Variants in SLC1A5 observed in about 807,000 individuals in gnomAD.
SLC1A5 encodes the protein neutral amino acid transporter B(0).
Under a neutral mutation model 34.9 loss-of-function variants are expected in SLC1A5, and 25 were observed. The ratio of observed to expected loss-of-function variants is 0.72; its 90% CI spans 0.52 to 1.00. The LOEUF (loss-of-function observed/expected upper bound fraction) is 1.00. SLC1A5 is among the 50% of genes least tolerant of loss of function. The pLI is 0.00. For synonymous variants in SLC1A5, 351 were observed against 341.2 expected, an observed-to-expected ratio of 1.03 and a Z score of -0.32; for missense variants, 637 against 740.0, an observed-to-expected ratio of 0.86 and a Z score of 1.61.
rs761125472 is a variant in SLC1A5 at position 46,784,084 on chromosome 19, C to A, written c.657+13G>T. 5 of 1,610,058 alleles carry A rather than the reference C, an allele frequency of 3.1e-6. No homozygotes were observed. In the Admixed American group the frequency reaches 8.3e-5, roughly 27 times the overall value. On this transcript the variant is annotated intron_variant, in intron 3 of 7. Transcript: ENST00000542575. ...AAAGAGGTAGAGCCCCCGCTGCCTC[C>A]CACTGCTCTCACCTTCACCCTGGTT...
intron 4 of SLC1A5, 97 bp from the exon 5 acceptor site, chr19:46,779,005 G>GGA: frequency 1.2e-6 from 1 of 842,484 alleles, no homozygotes; most frequent in Non-Finnish European, 1.8e-6. Context: ...CTGCCTTCCT[G>GGA]AGGTCAGGAG....
chr19:46,779,031 G>A (rs974913956), intron 4 of SLC1A5, 123 bp from the exon 5 acceptor site: 10 of 665,134 alleles, frequency 1.5e-5, no homozygotes, highest in Non-Finnish European at 2.0e-5. Flanking sequence ...CCAGCAATGT[G>A]TGCTTCAGCA....
At chr19:46,786,405 G>T (rs1599736484) in intron 1 of SLC1A5, among the ~76,000 whole-genome samples, 1 of 152,186 alleles carries the variant, frequency 6.6e-6, no homozygotes, top group East Asian at 1.9e-4. Context: ...GTGCCTGCCT[G>T]AAGGTCCGCC....
Position 46,787,991 on chromosome 19 carries a change from C to A in SLC1A5, c.-26G>T, listed in dbSNP as rs770985611. The A allele has an allele frequency of 1.3e-6, 2 of 1,517,890 alleles. No individual in the cohort carries two copies. Among genetic ancestry groups the A allele is most frequent in the Non-Finnish European group, 1.8e-6 (2 of 1,135,572 alleles). The allele number at this position is 1,517,890 out of a possible 1,614,324, so 94.0% of individuals were successfully genotyped here. ...GATGGGAAGCACCGGGGTTTCTTAGCGCCTGGAAGCTGGCTGGGAGCGCTT... is the reference window on the plus strand; with the variant it reads ...GATGGGAAGCACCGGGGTTTCTTAGAGCCTGGAAGCTGGCTGGGAGCGCTT... On this transcript the variant is annotated 5_prime_UTR_variant, in exon 1 of 8. Transcript: ENST00000542575. The surrounding 1 kb of genome is among the most constrained non-coding windows in gnomAD (Gnocchi z 5.2).
chr19:46,785,745 C>T (rs1175736989), intron 1 of SLC1A5, among the ~76,000 whole-genome samples: 3 of 152,140 alleles, frequency 2.0e-5, no homozygotes, highest in Non-Finnish European at 4.4e-5. Flanking sequence ...CCATGGATGG[C>T]CACCCATGCA....
Position 46,778,692 on chromosome 19 carries a change from G to A in SLC1A5, c.1041C>T (p.Ala347=), listed in dbSNP as rs548527978. Residue 347 remains alanine (A), a synonymous_variant, in exon 5 of 8, where the codon GCC becomes GCT. Transcript: ENST00000542575. ...LWGIVTPLAT[A]FGTSSSSATL... is the part of the protein sequence containing the mutation. ...GGCCGTACCTGGAAGAGGTCCCAAA[G>A]GCAGTGGCCAGCGGCGTCACGATGC... The A allele has an allele frequency of 2.6e-5, 35 of 1,333,872 alleles. 1 individual carries two copies. The South Asian group carries it at 4.0e-4, about 15-fold the overall frequency. The allele number at this position is 1,333,872 out of a possible 1,614,324, so 82.6% of individuals were successfully genotyped here. A position where few individuals can be genotyped will look rare whatever the true frequency, so the allele number is the denominator to read the frequency against.
In SLC1A5 at chr19:46,784,078, T is replaced by A. The variant is rs2055168095; in HGVS notation, c.657+19A>T. ...ATAGGCAAAGAGGTAGAGCCCCCGC[T>A]GCCTCCCACTGCTCTCACCTTCACC... On this transcript the variant is annotated intron_variant, in intron 3 of 7. Coordinates refer to ENST00000542575, the MANE Select transcript of SLC1A5 (RefSeq NM_005628.3). 3.7e-6 allele frequency: 6 copies of A among 1,606,274 alleles called. No individual in the cohort carries two copies. Among genetic ancestry groups the A allele is most frequent in the Admixed American group, 3.3e-5 (2 of 59,886 alleles).
chr19:46,778,920 C>T lies in SLC1A5; in HGVS notation c.825-12G>A. 1 of 1,532,880 alleles carries T rather than the reference C, an allele frequency of 6.5e-7. No homozygotes were observed. The highest frequency in any genetic ancestry group is 8.8e-7 in the Non-Finnish European group (1 of 1,137,732). The allele number at this position is 1,532,880 out of a possible 1,614,324, so 95.0% of individuals were successfully genotyped here. On this transcript the variant is annotated splice_polypyrimidine_tract_variant and intron_variant, in intron 4 of 7. Transcript: ENST00000542575. The stretch of plus-strand genomic sequence containing the variant: ...CCACAGGGGCGTACCTGATCAGTAA[C>T]ACAGGAGACAGCTTGTTGCCTCTTC...
intron 4 of SLC1A5, 41 bp downstream of exon 4, chr19:46,782,342 T>TCCCCACCCCCCCCCCCCCCCCCCCCC: frequency 7.6e-6 from 4 of 523,372 alleles, no homozygotes; most frequent in Non-Finnish European, 1.0e-5. Flanking sequence ...AGACCGACCC[T>TCCCCACCCCCCCCCCCCCCCCCCCCC]CCAACCCCAC....
chr19:46,776,931 A>AG, intron 7 of SLC1A5, 44 bp downstream of exon 7: 1 of 1,586,566 alleles, frequency 6.3e-7, no homozygotes, highest in Non-Finnish European at 8.6e-7. Context: ...CCTCTTTCCC[A>AG]GGGGTACCCC....
rs2055074133 is a variant in SLC1A5, at chr19:46,775,134, C to G, written c.*376G>C. ...CCACAACTACAGCCGCCAAAATAAC[C>G]AGCATGGTGTTGTAACATCCCCCCA... On this transcript the variant is annotated 3_prime_UTR_variant, in exon 8 of 8. Transcript: ENST00000542575. The G allele has an allele frequency of 7.7e-6, 8 of 1,036,194 alleles. No homozygotes were observed. The highest frequency in any genetic ancestry group is 9.3e-6 in the Non-Finnish European group (8 of 861,756). The allele number at this position is 1,036,194 out of a possible 1,614,324, so 64.2% of individuals were successfully genotyped here. A position where few individuals can be genotyped will look rare whatever the true frequency, so the allele number is the denominator to read the frequency against.
At chr19:46,784,224 G>A in intron 2 of SLC1A5, 80 bp from the exon 3 acceptor site, 2 of 1,103,884 alleles carry the variant, frequency 1.8e-6, no homozygotes, top group South Asian at 2.6e-5. Flanking sequence ...AATGCTCAAA[G>A]CCTGCCCTTC....
At chr19:46,782,357 C>A in intron 4 of SLC1A5, 26 bp downstream of exon 4, 2 of 1,190,440 alleles carry the variant, frequency 1.7e-6, no homozygotes, top group South Asian at 2.5e-5. Flanking sequence ...CCCCACCCAC[C>A]CCCAGCCTCC....
intron 5 of SLC1A5, 135 bp from the exon 6 acceptor site, chr19:46,777,540 C>T: frequency 4.0e-6 from 3 of 749,352 alleles, no homozygotes; most frequent in Non-Finnish European, 4.1e-6. Context: ...CCCAGTGGAT[C>T]CCCACCAGAG....
Position 46,775,553 on chromosome 19 carries a change from GC to G in SLC1A5, c.1582del (p.Ala528GlnfsTer34), listed in dbSNP as rs759723039. 1 of 1,613,974 alleles carries G rather than the reference GC, an allele frequency of 6.2e-7. No homozygotes were observed. The highest frequency in any genetic ancestry group is 1.1e-5 in the South Asian group (1 of 91,070). On this transcript the variant is annotated frameshift_variant, in exon 8 of 8. Coordinates refer to ENST00000542575, the MANE Select transcript of SLC1A5 (RefSeq NM_005628.3). LOFTEE classifies it high-confidence loss of function. ...CTCAGAGGCGACCGTGGCATCCCCT[GC>G]GGGCCCCCGATAGTGTTTGAGGAGG... ...NPLLKHYRGP[A>X]GDATVASEKE...
In SLC1A5 at chr19:46,775,061, AC is replaced by A; in HGVS notation, c.*448del. 3.8e-6 allele frequency: 1 copy of A among 266,318 alleles called. No individual in the cohort carries two copies. Among genetic ancestry groups the A allele is most frequent in the Non-Finnish European group, 4.5e-6 (1 of 220,626 alleles). The allele number at this position is 266,318 out of a possible 1,614,324, so 16.5% of individuals were successfully genotyped here. A position where few individuals can be genotyped will look rare whatever the true frequency, so the allele number is the denominator to read the frequency against. On this transcript the variant is annotated 3_prime_UTR_variant, in exon 8 of 8. Transcript: ENST00000542575. ...GGACAGGAGGTCACAGAACACACAC[AC>A]ACACACACACACACACACACACACA...
In SLC1A5 at chr19:46,788,039, G is replaced by C; in HGVS notation, c.-74C>G. Reference sequence around the variant, plus strand: ...CTTGGGCTCCTTCCCAGGACCCGACGTTCCTAGGACTGAGTTGAGTAACAG... The same window carrying C: ...CTTGGGCTCCTTCCCAGGACCCGACCTTCCTAGGACTGAGTTGAGTAACAG... On this transcript the variant is annotated 5_prime_UTR_variant, in exon 1 of 8. Transcript: ENST00000542575. The C allele has an allele frequency of 1.4e-6, 2 of 1,402,826 alleles. No individual in the cohort carries two copies. The highest frequency in any genetic ancestry group is 2.5e-5 in the East Asian group (1 of 39,374). The allele number at this position is 1,402,826 out of a possible 1,614,324, so 86.9% of individuals were successfully genotyped here. A position where few individuals can be genotyped will look rare whatever the true frequency, so the allele number is the denominator to read the frequency against.
chr19:46,782,275 G>T, intron 4 of SLC1A5, 108 bp downstream of exon 4: 2 of 830,182 alleles, frequency 2.4e-6, no homozygotes, highest in Non-Finnish European at 3.8e-6. Context: ...TGGCTCCAAA[G>T]AGTGAATAGA....
intron 1 of SLC1A5, among the ~76,000 whole-genome samples, chr19:46,785,541 G>A (rs555702142): frequency 6.6e-6 from 1 of 152,292 alleles, no homozygotes; most frequent in East Asian, 1.9e-4. Context: ...GCCCAGAAGG[G>A]TAAAGAAAAT....
Sources: allele counts gnomAD v4.1 joint callset (sites outside exome capture counted in the v4.1 genomes callset), GRCh38; gene constraint gnomAD v4.1.1; non-coding constraint Gnocchi (gnomAD v3.1); transcripts MANE v1.5; gene names NCBI Gene and HGNC (gene_info 2026-07-23, HGNC 2026-07-21).